Variants in CAMTA1 observed in about 807,000 individuals in gnomAD.
The protein encoded by CAMTA1 is calmodulin-binding transcription activator 1.
CAMTA1 carries 27 observed loss-of-function variants against 170.9 expected under a neutral mutation model. The ratio of observed to expected loss-of-function variants is 0.16; its 90% CI spans 0.12 to 0.22. The LOEUF (loss-of-function observed/expected upper bound fraction) is 0.22, where lower values mean the gene tolerates loss of function less well. Ranked by LOEUF, CAMTA1 falls within the 10% of genes least tolerant of loss-of-function variation. The pLI, the probability that CAMTA1 is intolerant of heterozygous loss-of-function variation, is 1.00. For missense variants in CAMTA1, 1,619 were observed against 2,217.2 expected, an observed-to-expected ratio of 0.73 and a Z score of 5.42; for synonymous variants, 833 against 891.5, an observed-to-expected ratio of 0.93 and a Z score of 1.17.
chr1:7,551,971 T>C (rs2094808710), intron 6 of CAMTA1, among the ~76,000 whole-genome samples: 1 of 152,196 alleles, frequency 6.6e-6, no homozygotes, highest in Non-Finnish European at 1.5e-5. Context: ...CTTTTTAAAA[T>C]CCTCTCATTT....
intron 3 of CAMTA1, among the ~76,000 whole-genome samples, chr1:6,833,073 G>A (rs1651121010): frequency 6.6e-6 from 1 of 152,196 alleles, no homozygotes; most frequent in Non-Finnish European, 1.5e-5. Flanking sequence ...AGCTGGGGCG[G>A]AATGTCCTCC....
At chr1:7,119,887 A>G (rs1644542912) in intron 4 of CAMTA1, among the ~76,000 whole-genome samples, 1 of 152,180 alleles carries the variant, frequency 6.6e-6, no homozygotes, top group Admixed American at 6.5e-5. Context: ...ATTCTGATGC[A>G]CAGCAGAGAA....
At chr1:7,274,176 CA>C (rs976415960) in intron 5 of CAMTA1, among the ~76,000 whole-genome samples, 112 of 151,674 alleles carry the variant, frequency 7.4e-4, no homozygotes, top group African/African-American at 2.6e-3. Flanking sequence ...TCAGACTGGA[CA>C]AAAAAACCAT....
intron 5 of CAMTA1, among the ~76,000 whole-genome samples, chr1:7,428,194 T>G (rs1369859268): frequency 6.6e-6 from 1 of 152,000 alleles, no homozygotes; most frequent in Non-Finnish European, 1.5e-5. Context: ...GTTGGTACTG[T>G]TGGGAAGCAC....
intron 4 of CAMTA1, among the ~76,000 whole-genome samples, chr1:7,170,294 CTT>C (rs750800065): frequency 5.3e-5 from 7 of 132,188 alleles, no homozygotes; most frequent in Non-Finnish European, 3.3e-5. Context: ...AAATGGGTTT[CTT>C]TTTTTTTTTT....
At chr1:7,330,399 G>T (rs1037336948) in intron 5 of CAMTA1, among the ~76,000 whole-genome samples, 6 of 152,170 alleles carry the variant, frequency 3.9e-5, no homozygotes, top group Non-Finnish European at 8.8e-5. Context: ...CACGTTTGTC[G>T]TGCCTTTCCT....
At chr1:7,533,321 G>T (rs1330647238) in intron 6 of CAMTA1, among the ~76,000 whole-genome samples, 2 of 152,204 alleles carry the variant, frequency 1.3e-5, no homozygotes, top group Non-Finnish European at 2.9e-5. Context: ...AAGAGAGGGA[G>T]GTGGGCCAGG....
intron 6 of CAMTA1, among the ~76,000 whole-genome samples, chr1:7,520,331 G>T (rs2094348112): frequency 7.2e-6 from 1 of 139,624 alleles, no homozygotes; most frequent in African/African-American, 2.7e-5. Context: ...GGTCCTGTGG[G>T]GTCTATGGAC....
intron 5 of CAMTA1, 148 bp from the exon 6 acceptor site, chr1:7,467,682 C>G (rs1017331126): frequency 2.2e-5 from 17 of 775,662 alleles, no homozygotes; most frequent in Non-Finnish European, 3.9e-5. Context: ...AGTCTTGGAG[C>G]TGGAGCCAGA....
intron 3 of CAMTA1, among the ~76,000 whole-genome samples, chr1:6,855,674 T>G (rs906738320): frequency 1.3e-5 from 2 of 152,028 alleles, no homozygotes; most frequent in Non-Finnish European, 2.9e-5. Flanking sequence ...GATTCAAACT[T>G]CATCACCAGT....
intron 5 of CAMTA1, among the ~76,000 whole-genome samples, chr1:7,342,396 G>A (rs139169092): frequency 6.6e-6 from 1 of 152,260 alleles, no homozygotes; most frequent in African/African-American, 2.4e-5. Flanking sequence ...CATCATGGGG[G>A]CACAGCAGCA....
At chr1:6,852,056 A>G (rs1297373290) in intron 3 of CAMTA1, among the ~76,000 whole-genome samples, 1 of 151,946 alleles carries the variant, frequency 6.6e-6, no homozygotes, top group Admixed American at 6.6e-5. Context: ...TACGTACTAC[A>G]TTGAAAAGAG....
rs749704226 is a variant in CAMTA1, at chr1:7,661,847, C to T, written c.786C>T (p.Cys262=). 1.3e-5 allele frequency: 21 copies of T among 1,612,472 alleles called. No individual in the cohort carries two copies. Among genetic ancestry groups the T allele is most frequent in the Middle Eastern group, 1.6e-4 (1 of 6,080 alleles). ...AGCCCCAGCCGCGGACCCACAACTGCCTCTGCACCGGCAGCCTGGGTGAGC... is the reference window on the plus strand; with the variant it reads ...AGCCCCAGCCGCGGACCCACAACTGTCTCTGCACCGGCAGCCTGGGTGAGC... ...QTKPQPRTHN[C]LCTGSLGAGG... is the part of the protein sequence containing the mutation. Residue 262 remains cysteine (C), a synonymous_variant, in exon 8 of 23, where the codon TGC becomes TGT. Transcript: ENST00000303635.
At chr1:6,809,677 G>T (rs868782686) in intron 1 of CAMTA1, among the ~76,000 whole-genome samples, 33 of 152,210 alleles carry the variant, frequency 2.2e-4, no homozygotes, top group Middle Eastern at 6.8e-3. Context: ...CAGAGAAGGG[G>T]CCTGAGGGCA....
intron 11 of CAMTA1, among the ~76,000 whole-genome samples, chr1:7,724,086 T>C (rs923981017): frequency 2.6e-5 from 4 of 152,212 alleles, no homozygotes; most frequent in African/African-American, 9.6e-5. Flanking sequence ...CCCAAAGTGC[T>C]GGGATTACAG....
intron 5 of CAMTA1, among the ~76,000 whole-genome samples, chr1:7,302,489 T>C (rs1674922043): frequency 6.6e-6 from 1 of 152,252 alleles, no homozygotes; most frequent in Non-Finnish European, 1.5e-5. Context: ...CCACGGTGGC[T>C]GTCATTAACC....
intron 19 of CAMTA1, 23 bp downstream of exon 19, chr1:7,747,804 A>G (rs754764420): frequency 1.3e-6 from 2 of 1,577,628 alleles, no homozygotes; most frequent in African/African-American, 1.4e-5. Context: ...TTTGCACCAC[A>G]GAAGGAAACT....
At chr1:6,951,261 G>A (rs1688437937) in intron 3 of CAMTA1, among the ~76,000 whole-genome samples, 1 of 152,160 alleles carries the variant, frequency 6.6e-6, no homozygotes, top group Admixed American at 6.5e-5. Context: ...TGGATCAGAT[G>A]GGATTCGTTC....
At position 7,623,605 on chromosome 1, in the gene CAMTA1, TC is replaced by T. The variant is rs570201220; in HGVS notation, c.511-16794del. On this transcript the variant is annotated intron_variant, in intron 6 of 22. Transcript: ENST00000303635. ...CCTCTGCCTCCTGGGTTCAAGGGAT[TC>T]TCCTGCCTCAGCCCCCCAAGTAGCT... is the stretch of plus-strand genomic sequence containing the variant. Among the ~76,000 whole-genome samples the T allele has an allele frequency of 5.3e-5, 8 of 152,314 alleles. No homozygotes were observed. In the East Asian group the frequency reaches 1.5e-3, roughly 29 times the overall value.
Sources: gnomAD v4.1 joint callset for allele counts (sites outside exome capture counted in the v4.1 genomes callset) on GRCh38, gnomAD v4.1.1 for gene constraint, MANE v1.5 for transcripts, NCBI Gene and HGNC (gene_info 2026-07-23, HGNC 2026-07-21) for gene names.